Variants in TRIM9 observed in about 807,000 individuals in gnomAD.
The protein encoded by TRIM9 is tripartite motif containing 9, also known as E3 ubiquitin-protein ligase TRIM9.
A neutral mutation model predicts 78.3 loss-of-function variants in TRIM9; 26 were observed. The ratio of observed to expected loss-of-function variants is 0.33; its 90% CI spans 0.24 to 0.46. TRIM9 has a LOEUF of 0.46. TRIM9 is among the 20% of genes least tolerant of loss of function. The pLI, the probability that TRIM9 is intolerant of heterozygous loss-of-function variation, is 1.00. For synonymous variants in TRIM9, 398 were observed against 416.5 expected (o/e 0.96, Z 0.54); for missense variants, 787 against 1,036.4 (o/e 0.76, Z 3.30).
At position 50,977,339 on chromosome 14, in the gene TRIM9, G is replaced by A. The variant is rs1240619408; in HGVS notation, c.2340C>T (p.Thr780=). The change falls in exon 13 of 13, where the codon ACC becomes ACT. Residue 780 remains threonine, a synonymous_variant. Transcript: ENST00000684578. ...LNRNVQVTLH[T]GLPVPDFYSS... ...AGTAGAAGTCGGGGACTGGGAGCCC[G>A]GTGTGCAGCGTGACCTGGGGAATGA... 2.6e-6 allele frequency: 4 copies of A among 1,548,954 alleles called. No individual in the cohort carries two copies. The highest frequency in any genetic ancestry group is 2.5e-5 in the East Asian group (1 of 40,050).
chr14:51,072,006 T>C (rs1018797492), intron 1 of TRIM9, among the ~76,000 whole-genome samples: 3 of 152,034 alleles, frequency 2.0e-5, no homozygotes, highest in Admixed American at 6.6e-5. Context: ...ACAAGGGAAG[T>C]AGAAGGCAGG....
chr14:51,050,462 G>A (rs1053760516), intron 1 of TRIM9, among the ~76,000 whole-genome samples: 1 of 152,146 alleles, frequency 6.6e-6, no homozygotes, highest in Non-Finnish European at 1.5e-5. Context: ...CCCCAGCCAC[G>A]TGGAACTGTG....
intron 1 of TRIM9, among the ~76,000 whole-genome samples, chr14:51,086,050 A>G (rs924528344): frequency 6.6e-6 from 1 of 152,226 alleles, no homozygotes; most frequent in Non-Finnish European, 1.5e-5. Context: ...TTTTGTCACA[A>G]GGAATCTTAG....
chr14:51,030,207 T>A (rs1596220158), intron 1 of TRIM9, among the ~76,000 whole-genome samples: 5 of 152,156 alleles, frequency 3.3e-5, no homozygotes, highest in South Asian at 2.1e-4. Flanking sequence ...GAAGTGGGAA[T>A]TAAGTAAAGG....
chr14:50,982,041 G>A lies in TRIM9; in HGVS notation c.1921C>T (p.Leu641=), dbSNP rs1227337968. 1 of 1,614,202 alleles carries A rather than the reference G, an allele frequency of 6.2e-7. No homozygotes were observed. The highest frequency in any genetic ancestry group is 8.5e-7 in the Non-Finnish European group (1 of 1,180,038). Reference sequence around the variant, plus strand: ...TCATAGCTACTACAGGTCACTGTCAGGTTGTCATTGGAGAGGATGATGTCC... The same window carrying A: ...TCATAGCTACTACAGGTCACTGTCAAGTTGTCATTGGAGAGGATGATGTCC... ...HSDIILSNDN[L]TVTCSSYDDR... is the part of the protein sequence containing the mutation. Residue 641 remains leucine (L), a synonymous_variant, in exon 11 of 13, where the codon CTG becomes TTG. Transcript: ENST00000684578.
chr14:51,058,584 T>G (rs1226624534), intron 1 of TRIM9, among the ~76,000 whole-genome samples: 4 of 152,166 alleles, frequency 2.6e-5, no homozygotes, highest in Non-Finnish European at 5.9e-5. Flanking sequence ...ACTGTGGTAG[T>G]GAGAAGGCCA....
intron 1 of TRIM9, among the ~76,000 whole-genome samples, chr14:51,059,822 C>CA (rs1196610544): frequency 6.7e-6 from 1 of 149,522 alleles, no homozygotes; most frequent in Non-Finnish European, 1.5e-5. Flanking sequence ...AAAAAAAACA[C>CA]AAAAAAACAA....
intron 1 of TRIM9, among the ~76,000 whole-genome samples, chr14:51,071,375 TAAAAAAAAAAAGAAAAA>T (rs2062234820): frequency 1.0e-4 from 5 of 48,532 alleles, no homozygotes; most frequent in South Asian, 6.5e-4. Context: ...AAACTCCGTC[TAAAAAAAAAAAGAAAAA>T]AAAAAAAAAA....
At chr14:50,982,866 A>C in intron 10 of TRIM9, 76 bp downstream of exon 10, 2 of 1,381,458 alleles carry the variant, frequency 1.4e-6, no homozygotes, top group Non-Finnish European at 2.0e-6. Context: ...GTAATTGCTG[A>C]TTTATTAAAC....
intron 6 of TRIM9, among the ~76,000 whole-genome samples, chr14:50,999,365 A>AACAC (rs146434492): frequency 6.6e-5 from 10 of 150,960 alleles, no homozygotes; most frequent in African/African-American, 1.5e-4. Context: ...ACACACACAC[A>AACAC]ACACACACAC....
chr14:51,017,073 C>T (rs543355743), intron 3 of TRIM9, among the ~76,000 whole-genome samples: 5 of 152,148 alleles, frequency 3.3e-5, no homozygotes, highest in Non-Finnish European at 7.4e-5. Flanking sequence ...ATCTTTCTGA[C>T]AAAATAAAGA....
At chr14:51,058,551 A>G (rs2061075719) in intron 1 of TRIM9, among the ~76,000 whole-genome samples, 1 of 152,114 alleles carries the variant, frequency 6.6e-6, no homozygotes, top group Non-Finnish European at 1.5e-5. Flanking sequence ...CCTCCAGGCC[A>G]TACCCTCCCG....
rs1358811381 is a variant in TRIM9, at chr14:51,067,220, C to A, written c.822+26898G>T. Among the ~76,000 whole-genome samples the A allele has an allele frequency of 2.0e-5, 3 of 152,124 alleles. No individual in the cohort carries two copies. The East Asian group carries it at 5.8e-4, about 29-fold the overall frequency. ...CTTAATACATAGTGCCATTATTTAG[C>A]CCGTTTCTGAGGCCCCCTCCTAATA... On this transcript the variant is annotated intron_variant, in intron 1 of 12. Transcript: ENST00000684578.
chr14:51,053,595 A>AAT (rs1434766223), intron 1 of TRIM9, among the ~76,000 whole-genome samples: 38 of 82,202 alleles, frequency 4.6e-4, no homozygotes, highest in Non-Finnish European at 8.0e-4. Flanking sequence ...TTTTTTTTTA[A>AAT]TTTTTTTTTT....
chr14:50,980,931 C>T (rs1014343795), intron 11 of TRIM9, among the ~76,000 whole-genome samples: 1 of 151,542 alleles, frequency 6.6e-6, no homozygotes, highest in African/African-American at 2.4e-5. Context: ...TCCAATTATC[C>T]TACCAATGTC....
chr14:51,068,458 A>G (rs1055913500), intron 1 of TRIM9, among the ~76,000 whole-genome samples: 1 of 152,232 alleles, frequency 6.6e-6, no homozygotes, highest in Non-Finnish European at 1.5e-5. Flanking sequence ...TAAATATCAC[A>G]TGACATTTAT....
chr14:51,075,983 C>T (rs576301988), intron 1 of TRIM9, among the ~76,000 whole-genome samples: 69 of 152,110 alleles, frequency 4.5e-4, no homozygotes, highest in Non-Finnish European at 4.4e-4. Context: ...CTGCTATATT[C>T]CCAATACCTA....
At chr14:51,072,747 C>T (rs571312821) in intron 1 of TRIM9, among the ~76,000 whole-genome samples, 1 of 151,930 alleles carries the variant, frequency 6.6e-6, no homozygotes, top group African/African-American at 2.4e-5. Flanking sequence ...TGCATTCGTA[C>T]TGTTTGCACT....
At chr14:50,985,339 T>C (rs1005643006) in intron 8 of TRIM9, among the ~76,000 whole-genome samples, 21 of 152,242 alleles carry the variant, frequency 1.4e-4, no homozygotes, top group African/African-American at 4.3e-4. Context: ...TCCCACCCCA[T>C]TGCTAGGAAA....
Sources: allele counts gnomAD v4.1 joint callset (sites outside exome capture counted in the v4.1 genomes callset), GRCh38; gene constraint gnomAD v4.1.1; transcripts MANE v1.5; gene names NCBI Gene and HGNC (gene_info 2026-07-23, HGNC 2026-07-21).